Variants in FAM184A observed in about 807,000 individuals in gnomAD.
FAM184A encodes protein FAM184A.
Under a neutral mutation model 143.8 loss-of-function variants are expected in FAM184A, and 99 were observed. The ratio of observed to expected loss-of-function variants is 0.69; its 90% CI spans 0.58 to 0.81. FAM184A has a LOEUF of 0.81. FAM184A is among the 40% of genes least tolerant of loss of function. The probability of loss-of-function intolerance (pLI) is 0.00; values close to 1 mark genes in which losing one functional copy is unlikely to be tolerated. For synonymous variants in FAM184A, 427 were observed against 446.4 expected (o/e 0.96, Z 0.55); for missense variants, 1,217 against 1,310.5 (o/e 0.93, Z 1.10).
At chr6:118,981,356 T>C (rs1784015789) in intron 9 of FAM184A, among the ~76,000 whole-genome samples, 1 of 152,224 alleles carries the variant, frequency 6.6e-6, no homozygotes, top group Non-Finnish European at 1.5e-5. Context: ...GAGAACCAGA[T>C]ACAAAGTTGT....
At chr6:119,062,572 T>C (rs608435) in intron 1 of FAM184A, among the ~76,000 whole-genome samples, 5,876 of 151,972 alleles carry the variant, frequency 0.039, 404 homozygotes, top group African/African-American at 0.13. Flanking sequence ...GGTGGGAGGA[T>C]CACCTGCGCC....
intron 4 of FAM184A, among the ~76,000 whole-genome samples, chr6:119,017,920 T>C (rs1470910223): frequency 6.6e-6 from 1 of 152,174 alleles, no homozygotes; most frequent in Non-Finnish European, 1.5e-5. Context: ...TCTCTCTCGC[T>C]CTCTCTCTTG....
intron 9 of FAM184A, among the ~76,000 whole-genome samples, chr6:118,984,481 T>G (rs1784129397): frequency 1.3e-5 from 2 of 151,310 alleles, no homozygotes; most frequent in African/African-American, 4.8e-5. Flanking sequence ...CCCAGCCTAC[T>G]TTTTACAGAC....
intron 1 of FAM184A, among the ~76,000 whole-genome samples, chr6:119,110,177 C>G (rs886343384): frequency 2.0e-5 from 3 of 152,158 alleles, no homozygotes; most frequent in African/African-American, 7.2e-5. Context: ...GGCACCTCAC[C>G]TGGGCCATCA....
intron 1 of FAM184A, among the ~76,000 whole-genome samples, chr6:119,139,223 C>T (rs1772127074): frequency 1.3e-5 from 2 of 152,188 alleles, no homozygotes; most frequent in African/African-American, 4.8e-5. Flanking sequence ...AACACAGGGA[C>T]AACCAAAGCT....
In FAM184A at chr6:119,005,751, G is replaced by C. The variant is rs940502635; in HGVS notation, c.1815+696C>G. The C allele has an allele frequency of 1.4e-5, 3 of 214,338 alleles. No homozygotes were observed. In the East Asian group the frequency reaches 2.9e-4, roughly 21 times the overall value. 13.3% of individuals were successfully genotyped at this position (214,338 alleles called of 1,614,324 possible). A position where few individuals can be genotyped will look rare whatever the true frequency, so the allele number is the denominator to read the frequency against. ...TGAAGGAAAAGATTAAGAACTTCCT[G>C]GGTACTATACACCCAGTTTTATGGA... On this transcript the variant is annotated intron_variant, in intron 7 of 17. Coordinates refer to ENST00000338891, the MANE Select transcript of FAM184A (RefSeq NM_024581.6).
intron 9 of FAM184A, 146 bp from the exon 10 acceptor site, chr6:118,980,496 T>C: frequency 1.6e-6 from 1 of 622,288 alleles, no homozygotes; most frequent in Non-Finnish European, 2.8e-6. Flanking sequence ...CTAAAATATA[T>C]CATAAAAATA....
At chr6:119,095,214 C>A (rs758248339) in intron 1 of FAM184A, among the ~76,000 whole-genome samples, 1 of 152,160 alleles carries the variant, frequency 6.6e-6, no homozygotes, top group African/African-American at 2.4e-5. Context: ...TGCTAAGAAC[C>A]CTACTTATAA....
At chr6:119,015,254 C>T (rs1337054398) in intron 5 of FAM184A, among the ~76,000 whole-genome samples, 1 of 152,100 alleles carries the variant, frequency 6.6e-6, no homozygotes, top group Non-Finnish European at 1.5e-5. Flanking sequence ...CCTGCCGCTG[C>T]ACTGCGGGAG....
At chr6:119,078,805 AGCCGCC>A, upstream of FAM184A, 1 of 153,522 alleles carries the variant, frequency 6.5e-6, no homozygotes, top group Non-Finnish European at 1.5e-5. The surrounding 1 kb of genome is among the most constrained non-coding windows in gnomAD (Gnocchi z 5.5). Flanking sequence ...AGCCCCGCGC[AGCCGCC>A]GCCGCCGCCG....
upstream of FAM184A, among the ~76,000 whole-genome samples, chr6:119,079,389 A>G (rs1246872280): frequency 6.6e-6 from 1 of 152,134 alleles, no homozygotes; most frequent in Non-Finnish European, 1.5e-5. Flanking sequence ...AGTGAAAGTA[A>G]TGGTAAAAAA....
intron 1 of FAM184A, among the ~76,000 whole-genome samples, chr6:119,124,052 A>G (rs1789294946): frequency 6.6e-6 from 1 of 152,194 alleles, no homozygotes; most frequent in South Asian, 2.1e-4. Flanking sequence ...GCTGGTTATA[A>G]TATCCACTTT....
At chr6:119,014,096 G>A (rs1001981331) in intron 5 of FAM184A, among the ~76,000 whole-genome samples, 5 of 152,234 alleles carry the variant, frequency 3.3e-5, no homozygotes, top group Non-Finnish European at 7.3e-5. Context: ...AGTTGCATGT[G>A]CTTGAGCACA....
intron 1 of FAM184A, among the ~76,000 whole-genome samples, chr6:119,110,225 C>T (rs1365032741): frequency 1.3e-5 from 2 of 152,188 alleles, no homozygotes; most frequent in African/African-American, 4.8e-5. Flanking sequence ...CAGTGCTTAA[C>T]ATGTGCGTTT....
intron 1 of FAM184A, among the ~76,000 whole-genome samples, chr6:119,111,837 T>G (rs1788942450): frequency 6.6e-6 from 1 of 152,228 alleles, no homozygotes; most frequent in Non-Finnish European, 1.5e-5. Context: ...AAAATCCATT[T>G]CCTGGCATAT....
chr6:119,034,566 GTT>G (rs71556823), intron 1 of FAM184A, among the ~76,000 whole-genome samples: 24 of 88,312 alleles, frequency 2.7e-4, no homozygotes, highest in African/African-American at 4.1e-4. Flanking sequence ...TTAATATATA[GTT>G]TTTTTTTTTT....
At chr6:118,992,258 T>C (rs9320673) in intron 9 of FAM184A, among the ~76,000 whole-genome samples, 143,709 of 152,196 alleles carry the variant, frequency 0.94, 67,967 homozygotes, top group Non-Finnish European at 0.96. Flanking sequence ...GTGGAATAAA[T>C]AGGATTAAAG....
chr6:119,146,396 ACGTG>A (rs1410912401), intron 1 of FAM184A, among the ~76,000 whole-genome samples: 1,323 of 95,422 alleles, frequency 0.014, 21 homozygotes, highest in African/African-American at 0.05. Flanking sequence ...CGATTAACTT[ACGTG>A]TGTGTGTGTG....
chr6:119,074,298 G>A (rs1787794873), intron 1 of FAM184A, among the ~76,000 whole-genome samples: 1 of 152,184 alleles, frequency 6.6e-6, no homozygotes. Flanking sequence ...CAGGTAAGAA[G>A]TAAAAAGGCA....
Sources: gnomAD v4.1 joint callset for allele counts (sites outside exome capture counted in the v4.1 genomes callset) on GRCh38, gnomAD v4.1.1 for gene constraint, Gnocchi (gnomAD v3.1) non-coding constraint, MANE v1.5 for transcripts, NCBI Gene and HGNC (gene_info 2026-07-23, HGNC 2026-07-21) for gene names.